DBP: variants seen among roughly 807,000 people sequenced by gnomAD.
DBP encodes D-box binding PAR bZIP transcription factor.
DBP carries 12 observed loss-of-function variants against 21.4 expected under a neutral mutation model. That is an observed-to-expected ratio of 0.56 (90% CI 0.36 to 0.91). DBP has a LOEUF of 0.91. DBP is among the 40% of genes least tolerant of loss of function. The probability of loss-of-function intolerance (pLI) is 0.01; values close to 1 mark genes in which losing one functional copy is unlikely to be tolerated. For synonymous variants in DBP, 213 were observed against 224.9 expected (o/e 0.95, Z 0.47); for missense variants, 423 against 473.4 (o/e 0.89, Z 0.99).
At position 48,630,296 on chromosome 19, in the gene DBP, G is replaced by A. The variant is rs2030503630; in HGVS notation, c.*541C>T. The A allele has an allele frequency of 3.9e-6, 5 of 1,285,884 alleles. No homozygotes were observed. In the East Asian group the frequency reaches 9.1e-5, roughly 23 times the overall value. 79.7% of individuals were successfully genotyped at this position (1,285,884 alleles called of 1,614,324 possible). On this transcript the variant is annotated 3_prime_UTR_variant, in exon 4 of 4. Transcript: ENST00000222122. The surrounding 1 kb of genome is among the most constrained non-coding windows in gnomAD (Gnocchi z 4.9). ...ACTAATGTTCCTCTCCCCGCGGGTG[G>A]GGGCGGGGAAATTCATATCCCCTGT...
chr19:48,633,265 C>T, intron 3 of DBP, 179 bp downstream of exon 3: 1 of 707,316 alleles, frequency 1.4e-6, no homozygotes, highest in South Asian at 1.6e-5. Flanking sequence ...CTTTATAAAC[C>T]TCAGGCCCCT....
In DBP at chr19:48,635,602, C is replaced by T; in HGVS notation, c.528G>A (p.Gly176=). The T allele has an allele frequency of 7.4e-7, 1 of 1,354,932 alleles. No homozygotes were observed. The highest frequency in any genetic ancestry group is 9.4e-7 in the Non-Finnish European group (1 of 1,063,832). 83.9% of individuals were successfully genotyped at this position (1,354,932 alleles called of 1,614,324 possible). ...PGHAPARAAL[G]TASGHRAGLT... ...CACCTGCGCGGTGGCCGCTGGCGGT[C>T]CCGAGGGCAGCCCGGGCGGGGGCGT... The change falls in exon 2 of 4, where the codon GGG becomes GGA. Residue 176 remains glycine, a synonymous_variant. Coordinates refer to ENST00000222122, the MANE Select transcript of DBP (RefSeq NM_001352.5).
In DBP at chr19:48,633,432, A is replaced by T. The variant is rs1333823505; in HGVS notation, c.762+12T>A. 6.2e-7 allele frequency: 1 copy of T among 1,613,868 alleles called. No individual in the cohort carries two copies. The highest frequency in any genetic ancestry group is 8.5e-7 in the Non-Finnish European group (1 of 1,179,806). On this transcript the variant is annotated intron_variant, in intron 3 of 3. Coordinates refer to ENST00000222122, the MANE Select transcript of DBP (RefSeq NM_001352.5). ...CCAGCCAAGTCTATCTCCCACATCCAGCTCTGCTCACCTTCTGCTCCTCCG... is the reference window on the plus strand; with the variant it reads ...CCAGCCAAGTCTATCTCCCACATCCTGCTCTGCTCACCTTCTGCTCCTCCG...
chr19:48,635,122 A>G, intron 2 of DBP: 1 of 994,812 alleles, frequency 1.0e-6, no homozygotes, highest in East Asian at 1.1e-4. Flanking sequence ...CCAGTCTCTT[A>G]TGTCCTGGGT....
At chr19:48,631,113 G>T in intron 3 of DBP, 61 bp from the exon 4 acceptor site, 9 of 1,486,170 alleles carry the variant, frequency 6.1e-6, no homozygotes, top group Non-Finnish European at 8.3e-6. Flanking sequence ...AGCGAGAGAG[G>T]AAGGGAGCCC....
rs760378954 is a variant in DBP, at chr19:48,633,584, C to G, written c.622G>C (p.Asp208His). 1 of 1,614,136 alleles carries G rather than the reference C, an allele frequency of 6.2e-7. No homozygotes were observed. The highest frequency in any genetic ancestry group is 1.1e-5 in the South Asian group (1 of 91,078). Residue 208 changes from aspartate (D) to histidine (H), a missense_variant, in exon 3 of 4, where the codon GAC (aspartate) becomes CAC (histidine). By Grantham distance (81) the Asp-to-His change is moderately conservative. Coordinates refer to ENST00000222122, the MANE Select transcript of DBP (RefSeq NM_001352.5). ...CTTGATAGGGCAAGATCAGCTGGGT[C>G]GGGTTCAAAGGTCATCAACACCTCC... ...TVEVLMTFEP[D>H]PADLALSSIP...
At chr19:48,635,476 G>A (rs1487511445) in intron 2 of DBP, 104 bp downstream of exon 2, 9 of 1,478,056 alleles carry the variant, frequency 6.1e-6, no homozygotes, top group South Asian at 1.2e-5. Flanking sequence ...CAGAATTCGA[G>A]GCCGCAGCCA....
intron 3 of DBP, 23 bp from the exon 4 acceptor site, chr19:48,631,075 C>T: frequency 6.2e-7 from 1 of 1,602,348 alleles, no homozygotes; most frequent in Non-Finnish European, 8.5e-7. Flanking sequence ...AGGGGGAGAG[C>T]ACTGAGGTCC....
Position 48,630,801 on chromosome 19 carries a change from G to A in DBP, c.*36C>T. 2 of 1,548,312 alleles carry A rather than the reference G, an allele frequency of 1.3e-6. No homozygotes were observed. The highest frequency in any genetic ancestry group is 8.7e-7 in the Non-Finnish European group (1 of 1,143,050). The stretch of plus-strand genomic sequence containing the variant: ...ACAGGGCGTAAGTCTCAGCAAGGCG[G>A]AGGAGAGCTCCGCCAGGTGGGGATG... On this transcript the variant is annotated 3_prime_UTR_variant, in exon 4 of 4. Transcript: ENST00000222122. This position sits in a 1 kb window ranked among gnomAD's most constrained non-coding sequence, Gnocchi z 4.9.
In DBP at chr19:48,635,564, G is replaced by A; in HGVS notation, c.550+16C>T. 2 of 1,396,076 alleles carry A rather than the reference G, an allele frequency of 1.4e-6. No individual in the cohort carries two copies. The highest frequency in any genetic ancestry group is 2.5e-4 in the Middle Eastern group (1 of 4,012). The allele number at this position is 1,396,076 out of a possible 1,614,324, so 86.5% of individuals were successfully genotyped here. ...GCCCCGCCCCGTCAGGACCCGCCCC[G>A]CCCCCTTCGCCGCACCTGCGCGGTG... On this transcript the variant is annotated intron_variant, in intron 2 of 3. Transcript: ENST00000222122.
At chr19:48,633,209 A>C (rs2030660205) in intron 3 of DBP, 6 of 613,074 alleles carry the variant, frequency 9.8e-6, no homozygotes, top group Non-Finnish European at 1.7e-5. Context: ...AGCCCCCTAA[A>C]ATGCTGGGAT....
Position 48,636,972 on chromosome 19 carries a change from C to A in DBP, c.23G>T (p.Arg8Met). Residue 8 changes from arginine to methionine, a missense_variant, in exon 1 of 4, where the codon AGG becomes ATG. By Grantham distance (91) the Arg-to-Met change is moderately conservative. Transcript: ENST00000222122. MARPVSDRTPAPLLLGGP... is the reference protein window; with the variant it reads MARPVSDMTPAPLLLGGP... ...GCCCAGCAGCAGAGGGGCCGGGGTC[C>A]TGTCGCTCACAGGCCGCGCCATCGC... 1 of 1,520,894 alleles carries A rather than the reference C, an allele frequency of 6.6e-7. No individual in the cohort carries two copies. The highest frequency in any genetic ancestry group is 8.8e-7 in the Non-Finnish European group (1 of 1,136,768). The allele number at this position is 1,520,894 out of a possible 1,614,324, so 94.2% of individuals were successfully genotyped here.
chr19:48,630,840 C>T lies in DBP; in HGVS notation c.975G>A (p.Leu325=), dbSNP rs952454413. The T allele has an allele frequency of 1.3e-6, 2 of 1,588,410 alleles. No homozygotes were observed. The highest frequency in any genetic ancestry group is 1.3e-5 in the African/African-American group (1 of 74,740). Residue 325 remains leucine (L), a synonymous_variant, in exon 4 of 4, where the codon CTG becomes CTA. Coordinates refer to ENST00000222122, the MANE Select transcript of DBP (RefSeq NM_001352.5). The surrounding 1 kb of genome is among the most constrained non-coding windows in gnomAD (Gnocchi z 4.9). ...CAGGTGGGGATGTGGGGCAGCCTCA[C>T]AGGGCCCCGTGCTGGGCCTGGTATC... ...LSRYQAQHGA[L]
At chr19:48,634,756 A>C (rs1230454428) in intron 2 of DBP, 4 of 985,448 alleles carry the variant, frequency 4.1e-6, no homozygotes, top group Non-Finnish European at 4.8e-6. Flanking sequence ...CGGAGGTCGG[A>C]CCTGGAGCAG....
At chr19:48,635,539 GC>G in intron 2 of DBP, 40 bp downstream of exon 2, 7 of 1,447,234 alleles carry the variant, frequency 4.8e-6, no homozygotes, top group Non-Finnish European at 6.4e-6. Context: ...CTGAGTCCAA[GC>G]CCCGCCCCGT....
chr19:48,633,096 C>T, intron 3 of DBP: 1 of 509,514 alleles, frequency 2.0e-6, no homozygotes, highest in East Asian at 3.6e-5. Flanking sequence ...CAGGCACAAG[C>T]AGTCCTCCCA....
In DBP at chr19:48,630,849, G is replaced by A. The variant is rs144333545; in HGVS notation, c.966C>T (p.His322=). ...RAVLSRYQAQ[H]GAL is the part of the protein sequence containing the mutation. ...ATGTGGGGCAGCCTCACAGGGCCCCGTGCTGGGCCTGGTATCGGGACAGCA... is the reference window on the plus strand; with the variant it reads ...ATGTGGGGCAGCCTCACAGGGCCCCATGCTGGGCCTGGTATCGGGACAGCA... The change falls in exon 4 of 4, where the codon CAC becomes CAT. Residue 322 remains histidine (H), a synonymous_variant. Transcript: ENST00000222122. This position sits in a 1 kb window ranked among gnomAD's most constrained non-coding sequence, Gnocchi z 4.9. 9.2e-5 allele frequency: 147 copies of A among 1,597,124 alleles called. No individual in the cohort carries two copies. Among genetic ancestry groups the A allele is most frequent in the Non-Finnish European group, 1.1e-4 (131 of 1,171,758 alleles).
intron 2 of DBP, chr19:48,634,994 T>C (rs2030730660): frequency 3.0e-6 from 3 of 985,906 alleles, no homozygotes; most frequent in Non-Finnish European, 3.6e-6. Context: ...TATAGGAAGC[T>C]TGGCCCCAGC....
chr19:48,633,414 A>C, intron 3 of DBP, 30 bp downstream of exon 3: 1 of 1,609,546 alleles, frequency 6.2e-7, no homozygotes, highest in Non-Finnish European at 8.5e-7. Flanking sequence ...TCTCCAGCCA[A>C]GTCTATCTCC....
Sources: gnomAD v4.1 joint callset for allele counts on GRCh38, gnomAD v4.1.1 for gene constraint, Gnocchi (gnomAD v3.1) non-coding constraint, MANE v1.5 for transcripts, NCBI Gene and HGNC (gene_info 2026-07-23, HGNC 2026-07-21) for gene names.